The following STK32A variants were observed in gnomAD, a reference collection of about 807,000 sequenced individuals.
STK32A encodes the protein serine/threonine kinase 32A.
A neutral mutation model predicts 53.2 loss-of-function variants in STK32A; 41 were observed. The observed-to-expected ratio is 0.77, with a 90% CI of 0.60 to 1.00. The LOEUF (loss-of-function observed/expected upper bound fraction) is 1.00. STK32A is among the 50% of genes least tolerant of loss of function. The pLI, the probability that STK32A is intolerant of heterozygous loss-of-function variation, is 0.00. For missense variants in STK32A, 458 were observed against 485.8 expected (o/e 0.94, Z 0.54); for synonymous variants, 166 against 162.8 (o/e 1.02, Z -0.15).
At chr5:147,291,076 G>GACACAGCACA (rs1206623499) in intron 4 of STK32A, among the ~76,000 whole-genome samples, 6 of 152,030 alleles carry the variant, frequency 3.9e-5, no homozygotes, top group Non-Finnish European at 8.8e-5. Flanking sequence ...CTTGAGCATG[G>GACACAGCACA]GTTTGAGGCT....
intron 4 of STK32A, among the ~76,000 whole-genome samples, chr5:147,307,382 AGGC>A (rs1561708082): frequency 1.3e-5 from 2 of 152,088 alleles, no homozygotes; most frequent in Non-Finnish European, 2.9e-5. Flanking sequence ...GCACTGTGGA[AGGC>A]CGAGGCAGGC....
At chr5:147,278,986 C>A (rs2151954672) in intron 3 of STK32A, among the ~76,000 whole-genome samples, 1 of 152,218 alleles carries the variant, frequency 6.6e-6, no homozygotes, top group South Asian at 2.1e-4. Context: ...GCTATTTTCA[C>A]CAAAATGCTG....
intron 2 of STK32A, among the ~76,000 whole-genome samples, chr5:147,256,699 C>T (rs548232317): frequency 8.6e-5 from 13 of 152,020 alleles, no homozygotes; most frequent in East Asian, 1.9e-4. Flanking sequence ...TTAGTAGAGA[C>T]GGTGGTTTCT....
At chr5:147,261,166 G>A (rs1383561440) in intron 2 of STK32A, among the ~76,000 whole-genome samples, 1 of 152,178 alleles carries the variant, frequency 6.6e-6, no homozygotes, top group Non-Finnish European at 1.5e-5. Context: ...CACCCCCAGA[G>A]GGGAATGCAA....
chr5:147,277,307 G>A (rs1261963917), intron 2 of STK32A, among the ~76,000 whole-genome samples: 1 of 152,122 alleles, frequency 6.6e-6, no homozygotes, highest in African/African-American at 2.4e-5. Context: ...ATTGTCACCT[G>A]CACAGGAGAA....
At chr5:147,351,227 G>C in intron 7 of STK32A, 73 bp downstream of exon 7, 2 of 1,303,860 alleles carry the variant, frequency 1.5e-6, no homozygotes, top group Non-Finnish European at 2.2e-6. Flanking sequence ...ATCATCTGTG[G>C]GGATTTGCAG....
At chr5:147,277,567 T>C (rs1299919190) in intron 2 of STK32A, among the ~76,000 whole-genome samples, 1 of 152,182 alleles carries the variant, frequency 6.6e-6, no homozygotes, top group African/African-American at 2.4e-5. Flanking sequence ...ATTTTCCTAC[T>C]TGGGAAAATT....
intron 4 of STK32A, among the ~76,000 whole-genome samples, chr5:147,298,409 G>A (rs546365772): frequency 4.5e-4 from 68 of 152,290 alleles, no homozygotes; most frequent in African/African-American, 1.5e-3. Context: ...CTAATTGTGT[G>A]TGCAAACAAA....
intron 2 of STK32A, among the ~76,000 whole-genome samples, chr5:147,242,465 G>A (rs567934745): frequency 1.3e-5 from 2 of 152,208 alleles, no homozygotes; most frequent in South Asian, 4.1e-4. Flanking sequence ...TGCCACCAAG[G>A]AAATGACTCC....
intron 9 of STK32A, among the ~76,000 whole-genome samples, chr5:147,371,257 C>T (rs1178257008): frequency 1.3e-5 from 2 of 152,136 alleles, no homozygotes; most frequent in Non-Finnish European, 1.5e-5. Context: ...ATTCCCCATG[C>T]AGCCCCACAG....
intron 5 of STK32A, among the ~76,000 whole-genome samples, chr5:147,324,361 C>T (rs1241322422): frequency 6.6e-6 from 1 of 151,896 alleles, no homozygotes; most frequent in East Asian, 1.9e-4. Flanking sequence ...ATATAGAAAC[C>T]TAATAAATAT....
At chr5:147,317,518 G>T (rs1481202338) in intron 4 of STK32A, among the ~76,000 whole-genome samples, 1 of 151,570 alleles carries the variant, frequency 6.6e-6, no homozygotes, top group African/African-American at 2.4e-5. Context: ...AGTAGAGACG[G>T]GTTTCACCAT....
chr5:147,351,040 C>T, intron 6 of STK32A, 25 bp from the exon 7 acceptor site: 2 of 1,606,048 alleles, frequency 1.2e-6, no homozygotes, highest in Non-Finnish European at 1.7e-6. Context: ...ACTTAACTTT[C>T]TGTGTGGTTC....
intron 9 of STK32A, 114 bp from the exon 10 acceptor site, chr5:147,373,055 C>A: frequency 8.0e-7 from 1 of 1,250,128 alleles, no homozygotes; most frequent in Non-Finnish European, 1.1e-6. Context: ...GGATAGGGGA[C>A]ACTGTCTATT....
intron 4 of STK32A, among the ~76,000 whole-genome samples, chr5:147,310,865 A>G (rs1009318129): frequency 5.9e-5 from 9 of 152,204 alleles, no homozygotes; most frequent in Non-Finnish European, 8.8e-5. Context: ...GAAAATAATA[A>G]TAGCAAAATT....
In STK32A at chr5:147,254,470, T is replaced by C. The variant is rs111676021; in HGVS notation, c.52+14784T>C. Among the ~76,000 whole-genome samples the C allele has an allele frequency of 5.9e-3, 901 of 152,344 alleles. 10 individuals carry two copies. The highest frequency in any genetic ancestry group is 0.021 in the African/African-American group (863 of 41,582). The stretch of plus-strand genomic sequence containing the variant: ...AATGTTATATATAAAGTTTCAGTGC[T>C]GCAAAAGGAATAGCACTCGAATATA... On this transcript the variant is annotated intron_variant, in intron 2 of 12. Transcript: ENST00000397936.
chr5:147,259,815 T>C (rs948365179), intron 2 of STK32A, among the ~76,000 whole-genome samples: 1 of 138,578 alleles, frequency 7.2e-6, no homozygotes, highest in African/African-American at 2.8e-5. Context: ...GTCCTGTTTC[T>C]CTCTCTCTCT....
In STK32A at chr5:147,370,755, G is replaced by A. The variant is rs778106501; in HGVS notation, c.762G>A (p.Val254=). Reference sequence around the variant, plus strand: ...CTTCTGCCTGGTCACAGGAAATGGTGTCACTTCTTAAAAAGGTAAGAAGGA... The same window carrying A: ...CTTCTGCCTGGTCACAGGAAATGGTATCACTTCTTAAAAAGGTAAGAAGGA... ...TYPSAWSQEM[V]SLLKKLLEPN... The change falls in exon 9 of 13, where the codon GTG becomes GTA. Residue 254 remains valine (V), a synonymous_variant. Coordinates refer to ENST00000397936, the MANE Select transcript of STK32A (RefSeq NM_001112724.2). The A allele has an allele frequency of 3.9e-5, 62 of 1,609,804 alleles. No homozygotes were observed. The highest frequency in any genetic ancestry group is 6.7e-5 in the Admixed American group (4 of 59,888).
At chr5:147,260,742 C>T (rs890495137) in intron 2 of STK32A, among the ~76,000 whole-genome samples, 1 of 152,136 alleles carries the variant, frequency 6.6e-6, no homozygotes, top group Non-Finnish European at 1.5e-5. Flanking sequence ...TCAGGCCCCT[C>T]TTAGTGTTGG....
Sources: gnomAD v4.1 joint callset for allele counts (sites outside exome capture counted in the v4.1 genomes callset) on GRCh38, gnomAD v4.1.1 for gene constraint, MANE v1.5 for transcripts, NCBI Gene and HGNC (gene_info 2026-07-23, HGNC 2026-07-21) for gene names.